Variants in ERO1A observed in about 807,000 individuals in gnomAD.
ERO1A encodes ERO1-like protein alpha.
A neutral mutation model predicts 76.9 loss-of-function variants in ERO1A; 49 were observed. The observed-to-expected ratio is 0.64, with a 90% CI of 0.51 to 0.81. ERO1A has a LOEUF of 0.81. Among genes scored for constraint, ERO1A ranks in the 30% least tolerant of loss-of-function variants. ERO1A has a pLI of 0.00. For missense variants in ERO1A, 448 were observed against 542.1 expected, an observed-to-expected ratio of 0.83 and a Z score of 1.72; for synonymous variants, 174 against 181.2, an observed-to-expected ratio of 0.96 and a Z score of 0.32.
At chr14:52,689,765 C>T (rs899070134) in intron 1 of ERO1A, among the ~76,000 whole-genome samples, 8 of 151,946 alleles carry the variant, frequency 5.3e-5, no homozygotes, top group Non-Finnish European at 5.9e-5. Flanking sequence ...TGGCATTTTT[C>T]ACAAAAATAG....
rs570057598 is a variant in ERO1A, at chr14:52,673,464, T to C, written c.358-1593A>G. ...CTTCTTTATGCATTCCATTCATTGATACTTATTTTTCACTGATTTAGAACA... is the reference window on the plus strand; with the variant it reads ...CTTCTTTATGCATTCCATTCATTGACACTTATTTTTCACTGATTTAGAACA... On this transcript the variant is annotated intron_variant, in intron 4 of 15. Transcript: ENST00000395686. 2.6e-5 allele frequency among the ~76,000 whole-genome samples: 4 copies of C among 152,348 alleles called. No individual in the cohort carries two copies. The South Asian group carries it at 8.3e-4, about 32-fold the overall frequency.
intron 8 of ERO1A, 99 bp from the exon 9 acceptor site, chr14:52,661,403 T>C: frequency 1.1e-6 from 1 of 950,116 alleles, no homozygotes; most frequent in Non-Finnish European, 1.5e-6. Flanking sequence ...TAATGGTTAG[T>C]TTTAGTCCAA....
chr14:52,661,392 A>G, intron 8 of ERO1A, 88 bp from the exon 9 acceptor site: 1 of 1,099,650 alleles, frequency 9.1e-7, no homozygotes, highest in Non-Finnish European at 1.3e-6. Flanking sequence ...TAAGACTTTA[A>G]TAATGGTTAG....
chr14:52,683,803 G>A lies in ERO1A; in HGVS notation c.219C>T (p.Tyr73=), dbSNP rs139258722. ...TTAAAAATACCTTGTAATACCTAAA[G>A]TAGTCACTTTCAAGAAGTTTTTGTA... ...PRLQKLLESD[Y]FRYYKVNLKR... Residue 73 remains tyrosine, a synonymous_variant, in exon 2 of 16, where the codon TAC becomes TAT. Transcript: ENST00000395686. 9 of 1,475,714 alleles carry A rather than the reference G, an allele frequency of 6.1e-6. No homozygotes were observed. The highest frequency in any genetic ancestry group is 8.4e-6 in the Non-Finnish European group (9 of 1,074,182). 91.4% of individuals were successfully genotyped at this position (1,475,714 alleles called of 1,614,324 possible). A position where few individuals can be genotyped will look rare whatever the true frequency, so the allele number is the denominator to read the frequency against.
At chr14:52,671,917 TAAAACTTGTTTAA>T in intron 4 of ERO1A, 46 bp from the exon 5 acceptor site, 4 of 1,265,540 alleles carry the variant, frequency 3.2e-6, no homozygotes, top group Non-Finnish European at 4.5e-6. Context: ...ATTGCATTTT[TAAAACTTGTTTAA>T]AATTTAGAAG....
rs150118037 is a variant in ERO1A at position 52,650,025 on chromosome 14, T to G, written c.1125+2214A>C. Among the ~76,000 whole-genome samples the G allele has an allele frequency of 7.9e-4, 120 of 152,204 alleles. 1 individual carries two copies. Among genetic ancestry groups the G allele is most frequent in the African/African-American group, 2.8e-3 (116 of 41,522 alleles). On this transcript the variant is annotated intron_variant, in intron 13 of 15. Coordinates refer to ENST00000395686, the MANE Select transcript of ERO1A (RefSeq NM_014584.3). The stretch of plus-strand genomic sequence containing the variant: ...TGAGGCCAAGAATTCAAGACCAGCC[T>G]GGGCAACATAGTGAGACCCCAACTC...
Position 52,646,366 on chromosome 14 carries a change from T to A in ERO1A, c.1212+9A>T. The A allele has an allele frequency of 6.2e-7, 1 of 1,608,424 alleles. No homozygotes were observed. The highest frequency in any genetic ancestry group is 8.5e-7 in the Non-Finnish European group (1 of 1,178,250). ...TAAATGAGAAATAGGAATGACTAAA[T>A]TTGCTTACCTGAAGCTTTCCCCACA... On this transcript the variant is annotated intron_variant, in intron 14 of 15. Transcript: ENST00000395686.
At chr14:52,665,296 C>CAAA (rs34009141) in intron 7 of ERO1A, among the ~76,000 whole-genome samples, 19 of 90,392 alleles carry the variant, frequency 2.1e-4, no homozygotes, top group East Asian at 3.5e-4. Context: ...GACTTCATCT[C>CAAA]AAAAAAAAAA....
At chr14:52,666,750 G>A (rs924573379) in intron 6 of ERO1A, among the ~76,000 whole-genome samples, 12 of 152,166 alleles carry the variant, frequency 7.9e-5, no homozygotes, top group African/African-American at 2.4e-4. Flanking sequence ...GGCCAACATA[G>A]TGAAACCCTG....
intron 4 of ERO1A, among the ~76,000 whole-genome samples, chr14:52,673,403 T>G (rs2040675909): frequency 6.6e-6 from 1 of 152,210 alleles, no homozygotes; most frequent in Non-Finnish European, 1.5e-5. Flanking sequence ...TTGCCATAAT[T>G]GCAATTTGCT....
chr14:52,640,561 G>A lies in ERO1A; in HGVS notation c.*3009C>T, dbSNP rs1292233167. On this transcript the variant is annotated 3_prime_UTR_variant, in exon 16 of 16. Coordinates refer to ENST00000395686, the MANE Select transcript of ERO1A (RefSeq NM_014584.3). ...CTGAAGGATATTAGGGAGTAACACT[G>A]TCAGAGTGCTTCTAGAAAGCCTGCT... is the stretch of plus-strand genomic sequence containing the variant. 2.0e-5 allele frequency: 3 copies of A among 152,270 alleles called. No homozygotes were observed. Among genetic ancestry groups the A allele is most frequent in the African/African-American group, 7.2e-5 (3 of 41,450 alleles). The allele number at this position is 152,270 out of a possible 1,614,324, so 9.4% of individuals were successfully genotyped here.
At chr14:52,695,078 C>T (rs933087346) in intron 1 of ERO1A, among the ~76,000 whole-genome samples, 3 of 152,210 alleles carry the variant, frequency 2.0e-5, no homozygotes, top group Non-Finnish European at 4.4e-5. Context: ...GCACACTCTC[C>T]CCGGGCAGAT....
chr14:52,653,074 T>G lies in ERO1A; in HGVS notation c.1050A>C (p.Glu350Asp). The change falls in exon 12 of 16, where the codon GAA becomes GAC. Residue 350 changes from glutamate (E) to aspartate (D), a missense_variant. Transcript: ENST00000395686. ...NKMLLLEILHEIKSFPLHFDE... is the reference protein window; with the variant it reads ...NKMLLLEILHDIKSFPLHFDE... Reference sequence around the variant, plus strand: ...AAGTTTAATATATAATTTACTTGATTTCATGAAGTATTTCCAGAAGTAACA... The same window carrying G: ...AAGTTTAATATATAATTTACTTGATGTCATGAAGTATTTCCAGAAGTAACA... The G allele has an allele frequency of 6.7e-7, 1 of 1,495,782 alleles. No homozygotes were observed. The highest frequency in any genetic ancestry group is 9.3e-7 in the Non-Finnish European group (1 of 1,074,424). 92.7% of individuals were successfully genotyped at this position (1,495,782 alleles called of 1,614,324 possible).
At chr14:52,657,893 T>C (rs1397633349) in intron 11 of ERO1A, 24 bp downstream of exon 11, 2 of 1,505,934 alleles carry the variant, frequency 1.3e-6, no homozygotes, top group Non-Finnish European at 1.8e-6. Flanking sequence ...AGTGGTAGAC[T>C]GAATAAAAGT....
chr14:52,675,541 G>A (rs1442112234), intron 4 of ERO1A, among the ~76,000 whole-genome samples: 1 of 152,154 alleles, frequency 6.6e-6, no homozygotes, highest in Non-Finnish European at 1.5e-5. Context: ...ACATATCACA[G>A]AATGATATGT....
intron 1 of ERO1A, among the ~76,000 whole-genome samples, chr14:52,688,730 T>G (rs190758748): frequency 6.6e-6 from 1 of 152,196 alleles, no homozygotes; most frequent in Non-Finnish European, 1.5e-5. Flanking sequence ...GGAGCCTCAA[T>G]TACCTTCTCT....
At position 52,656,899 on chromosome 14, in the gene ERO1A, A is replaced by G. The variant is rs79256291; in HGVS notation, c.808+1018T>C. Among the ~76,000 whole-genome samples the G allele has an allele frequency of 6.4e-3, 975 of 152,214 alleles. 9 individuals are homozygous for G. The highest frequency in any genetic ancestry group is 1.0e-2 in the Non-Finnish European group (679 of 68,010). The stretch of plus-strand genomic sequence containing the variant: ...AACATGGCCAAATCTTGTCTCTACA[A>G]AAAATATTGTGAAAAATTAGCTGGA... On this transcript the variant is annotated intron_variant, in intron 11 of 15. Coordinates refer to ENST00000395686, the MANE Select transcript of ERO1A (RefSeq NM_014584.3).
At chr14:52,656,663 G>A (rs532045982) in intron 11 of ERO1A, among the ~76,000 whole-genome samples, 112 of 137,956 alleles carry the variant, frequency 8.1e-4, no homozygotes, top group Non-Finnish European at 1.3e-3. Flanking sequence ...AGTGAGCCAA[G>A]ATCACACCAC....
chr14:52,684,880 T>G (rs1012498733), intron 1 of ERO1A, among the ~76,000 whole-genome samples: 5 of 152,078 alleles, frequency 3.3e-5, no homozygotes, highest in Non-Finnish European at 7.4e-5. Context: ...GAAAAACATC[T>G]AATAGAACTA....
Sources: allele counts gnomAD v4.1 joint callset (sites outside exome capture counted in the v4.1 genomes callset), GRCh38; gene constraint gnomAD v4.1.1; transcripts MANE v1.5; gene names NCBI Gene and HGNC (gene_info 2026-07-23, HGNC 2026-07-21).